The following ATG4B variants were observed in gnomAD, a reference collection of about 807,000 sequenced individuals.
ATG4B encodes cysteine protease ATG4B.
ATG4B carries 29 observed loss-of-function variants against 56.6 expected under a neutral mutation model. The ratio of observed to expected loss-of-function variants is 0.51; its 90% CI spans 0.38 to 0.70. The LOEUF is 0.70. Ranked by LOEUF, ATG4B falls within the 30% of genes least tolerant of loss-of-function variation. ATG4B has a pLI of 0.00. For missense variants in ATG4B, 461 were observed against 515.5 expected (o/e 0.89, Z 1.02); for synonymous variants, 224 against 206.1 (o/e 1.09, Z -0.74).
At chr2:241,645,526 T>C (rs570026088) in intron 1 of ATG4B, among the ~76,000 whole-genome samples, 1 of 152,294 alleles carries the variant, frequency 6.6e-6, no homozygotes, top group South Asian at 2.1e-4. Flanking sequence ...GAAAGAGTGG[T>C]TACTGCTCCC....
intron 1 of ATG4B, among the ~76,000 whole-genome samples, chr2:241,645,900 TG>T (rs1322385733): frequency 6.6e-6 from 1 of 152,144 alleles, no homozygotes; most frequent in African/African-American, 2.4e-5. Context: ...CAGAGCAGCT[TG>T]GGGCACGGTG....
In ATG4B at chr2:241,673,412, G is replaced by A. The variant is rs1248922839; in HGVS notation, c.*1148G>A. 11 of 376,164 alleles carry A rather than the reference G, an allele frequency of 2.9e-5. No individual in the cohort carries two copies. The highest frequency in any genetic ancestry group is 7.3e-5 in the East Asian group (1 of 13,688). 23.3% of individuals were successfully genotyped at this position (376,164 alleles called of 1,614,324 possible). On this transcript the variant is annotated 3_prime_UTR_variant, in exon 13 of 13. Transcript: ENST00000404914. The stretch of plus-strand genomic sequence containing the variant: ...ATGTAAACAGGAGGGCTTGGGGAGC[G>A]TGGGCACTTTTCTCATGAGCAGCTA...
At position 241,672,317 on chromosome 2, in the gene ATG4B, C is replaced by G. The variant is rs1471026878; in HGVS notation, c.*53C>G. ...TGAGAGCCTGGGGCTCCTGGTGCCGCTGCGTTTCATCCATCCCGCCCGCTC... is the reference window on the plus strand; with the variant it reads ...TGAGAGCCTGGGGCTCCTGGTGCCGGTGCGTTTCATCCATCCCGCCCGCTC... On this transcript the variant is annotated 3_prime_UTR_variant, in exon 13 of 13. Transcript: ENST00000404914. 16 of 1,479,170 alleles carry G rather than the reference C, an allele frequency of 1.1e-5. No individual in the cohort carries two copies. Among genetic ancestry groups the G allele is most frequent in the African/African-American group, 1.4e-5 (1 of 71,536 alleles). 91.6% of individuals were successfully genotyped at this position (1,479,170 alleles called of 1,614,324 possible). A position where few individuals can be genotyped will look rare whatever the true frequency, so the allele number is the denominator to read the frequency against.
chr2:241,657,452 A>G (rs2068444396), intron 6 of ATG4B, among the ~76,000 whole-genome samples: 1 of 150,180 alleles, frequency 6.7e-6, no homozygotes, highest in Admixed American at 6.6e-5. Flanking sequence ...TTATAGGCAC[A>G]TGCCACCATG....
chr2:241,654,854 C>G (rs758628133), intron 5 of ATG4B: 3 of 593,648 alleles, frequency 5.1e-6, no homozygotes, highest in Non-Finnish European at 9.0e-6. Flanking sequence ...AGGCCCAGAC[C>G]CTGGGCCTTG....
Position 241,651,723 on chromosome 2 carries a change from C to G in ATG4B, c.184+388C>G, listed in dbSNP as rs1559255402. ...TTTGAGTGTGTGTTCTGGGTCACAGCTGTACAATGTGTTTCTTACTTAGGT... is the reference window on the plus strand; with the variant it reads ...TTTGAGTGTGTGTTCTGGGTCACAGGTGTACAATGTGTTTCTTACTTAGGT... On this transcript the variant is annotated intron_variant, in intron 3 of 12. Coordinates refer to ENST00000404914, the MANE Select transcript of ATG4B (RefSeq NM_013325.5). The surrounding 1 kb of genome is among the most constrained non-coding windows in gnomAD (Gnocchi z 4.1). Among the ~76,000 whole-genome samples, 1 of 152,204 alleles carries G rather than the reference C, an allele frequency of 6.6e-6. No homozygotes were observed. Among genetic ancestry groups the G allele is most frequent in the Non-Finnish European group, 1.5e-5 (1 of 68,040 alleles).
chr2:241,665,285 C>T (rs746657999), intron 7 of ATG4B, among the ~76,000 whole-genome samples: 44 of 152,192 alleles, frequency 2.9e-4, no homozygotes, highest in Non-Finnish European at 5.1e-4. Context: ...AAGCCTCCTA[C>T]GAATGAGAGT....
chr2:241,637,939 C>A (rs1217492923), intron 1 of ATG4B, among the ~76,000 whole-genome samples: 2 of 151,526 alleles, frequency 1.3e-5, no homozygotes, highest in African/African-American at 4.8e-5. Flanking sequence ...CGCCGCGGAA[C>A]CCGCCGTCGG....
chr2:241,643,639 CATATATGTATAAATATAT>C (rs1342037084), intron 1 of ATG4B, among the ~76,000 whole-genome samples: 98 of 145,130 alleles, frequency 6.8e-4, no homozygotes, highest in African/African-American at 2.4e-3. Flanking sequence ...AATATATACA[CATATATGTATAAATATAT>C]ATATACGTGT....
chr2:241,670,435 C>T lies in ATG4B; in HGVS notation c.958-291C>T, dbSNP rs553505651. On this transcript the variant is annotated intron_variant, in intron 10 of 12. Coordinates refer to ENST00000404914, the MANE Select transcript of ATG4B (RefSeq NM_013325.5). ...CCTAACTCATAACCTGCCCCAATCC[C>T]GGAACACTCGGTGAGGTTTGAGAGA... 4.1e-4 allele frequency: 200 copies of T among 485,004 alleles called. 1 individual carries two copies. In the East Asian group the frequency reaches 6.0e-3, roughly 15 times the overall value. 30.0% of individuals were successfully genotyped at this position (485,004 alleles called of 1,614,324 possible).
chr2:241,668,302 G>T lies in ATG4B; in HGVS notation c.811+81G>T. On this transcript the variant is annotated intron_variant, in intron 9 of 12. Transcript: ENST00000404914. This position sits in a 1 kb window ranked among gnomAD's most constrained non-coding sequence, Gnocchi z 4.2. ...CATGAGCAGGTACCACACCCCAGGT[G>T]ACCACTTGAGGCCACTGGTGGAAAA... 6.7e-7 allele frequency: 1 copy of T among 1,483,778 alleles called. No individual in the cohort carries two copies. Among genetic ancestry groups the T allele is most frequent in the South Asian group, 1.2e-5 (1 of 82,408 alleles). The allele number at this position is 1,483,778 out of a possible 1,614,324, so 91.9% of individuals were successfully genotyped here.
chr2:241,657,373 A>ACTGCTAC (rs945162944), intron 6 of ATG4B, among the ~76,000 whole-genome samples: 9 of 149,568 alleles, frequency 6.0e-5, no homozygotes, highest in African/African-American at 2.2e-4. Flanking sequence ...TCTTGGGCTC[A>ACTGCTAC]CTGCTACCTC....
chr2:241,670,990 C>T (rs7584112), intron 11 of ATG4B, among the ~76,000 whole-genome samples: 58,129 of 152,052 alleles, frequency 0.38, 11,441 homozygotes, highest in Middle Eastern at 0.51. Context: ...ACCCTGGGGA[C>T]GGATGTTGCG....
rs1267909696 is a variant in ATG4B at position 241,672,763 on chromosome 2, C to T, written c.*499C>T. ...GGGCTGCTCTCGAGGGGGGCGCGCCCACCGCTGTGTCCTCTCTGCCCAGCC... is the reference window on the plus strand; with the variant it reads ...GGGCTGCTCTCGAGGGGGGCGCGCCTACCGCTGTGTCCTCTCTGCCCAGCC... On this transcript the variant is annotated 3_prime_UTR_variant, in exon 13 of 13. Transcript: ENST00000404914. 4 of 171,008 alleles carry T rather than the reference C, an allele frequency of 2.3e-5. No homozygotes were observed. Among genetic ancestry groups the T allele is most frequent in the Non-Finnish European group, 1.3e-5 (1 of 78,300 alleles). 10.6% of individuals were successfully genotyped at this position (171,008 alleles called of 1,614,324 possible). A position where few individuals can be genotyped will look rare whatever the true frequency, so the allele number is the denominator to read the frequency against.
At chr2:241,649,408 G>A (rs539141415) in intron 1 of ATG4B, among the ~76,000 whole-genome samples, 2 of 152,342 alleles carry the variant, frequency 1.3e-5, no homozygotes, top group East Asian at 3.9e-4. Flanking sequence ...TCTTATTGAA[G>A]TGTGGGGTTG....
chr2:241,672,533 T>G lies in ATG4B; in HGVS notation c.*269T>G. On this transcript the variant is annotated 3_prime_UTR_variant, in exon 13 of 13. Transcript: ENST00000404914. The stretch of plus-strand genomic sequence containing the variant: ...AGCTTCCAGAGTGTTCTCTCGACAC[T>G]GCCAGCCCCGTGTTAGCACCTGGGC... The G allele has an allele frequency of 2.0e-6, 1 of 491,498 alleles. No individual in the cohort carries two copies. 30.4% of individuals were successfully genotyped at this position (491,498 alleles called of 1,614,324 possible). A position where few individuals can be genotyped will look rare whatever the true frequency, so the allele number is the denominator to read the frequency against.
At chr2:241,644,915 C>T (rs187523358) in intron 1 of ATG4B, among the ~76,000 whole-genome samples, 1 of 151,346 alleles carries the variant, frequency 6.6e-6, no homozygotes, top group Admixed American at 6.6e-5. Flanking sequence ...TGCCATTGCA[C>T]TCCAGCCTGG....
At chr2:241,638,671 T>C (rs765558604) in intron 1 of ATG4B, among the ~76,000 whole-genome samples, 1 of 152,222 alleles carries the variant, frequency 6.6e-6, no homozygotes, top group Non-Finnish European at 1.5e-5. Flanking sequence ...TATTAAGATC[T>C]GAGTTGGAAA....
chr2:241,655,045 G>T, intron 5 of ATG4B: 1 of 593,654 alleles, frequency 1.7e-6, no homozygotes, highest in East Asian at 2.8e-5. Context: ...AGAAGGAAGT[G>T]GTCCCTTCAT....
Sources: allele counts gnomAD v4.1 joint callset (sites outside exome capture counted in the v4.1 genomes callset), GRCh38; gene constraint gnomAD v4.1.1; non-coding constraint Gnocchi (gnomAD v3.1); transcripts MANE v1.5; gene names NCBI Gene and HGNC (gene_info 2026-07-23, HGNC 2026-07-21).